ANKMY2: variants seen among roughly 807,000 people sequenced by gnomAD.
ANKMY2 encodes the protein ankyrin repeat and MYND domain containing 2, also known as ankyrin repeat and MYND domain-containing protein 2.
In ANKMY2, 36 loss-of-function variants were observed where a neutral mutation model predicts 50.4. The observed-to-expected ratio is 0.71, with a 90% CI of 0.55 to 0.94. The LOEUF is 0.94. ANKMY2 is among the 40% of genes least tolerant of loss of function. The pLI is 0.00. For synonymous variants in ANKMY2, 187 were observed against 178.8 expected, an observed-to-expected ratio of 1.05 and a Z score of -0.36; for missense variants, 565 against 524.0, an observed-to-expected ratio of 1.08 and a Z score of -0.76.
At chr7:16,624,924 T>A in intron 4 of ANKMY2, 59 bp downstream of exon 4, 1 of 1,492,480 alleles carries the variant, frequency 6.7e-7, no homozygotes, top group Non-Finnish European at 9.2e-7. Flanking sequence ...AAAGTGGGTT[T>A]TTTTTCCACA....
chr7:16,640,037 G>A (rs552541662), intron 1 of ANKMY2, among the ~76,000 whole-genome samples: 5 of 152,072 alleles, frequency 3.3e-5, no homozygotes, highest in East Asian at 1.9e-4. Context: ...GTAGTGGTGC[G>A]TGCTCGTAGT....
chr7:16,602,525 G>T lies in ANKMY2; in HGVS notation c.1012-16C>A. The T allele has an allele frequency of 6.2e-7, 1 of 1,602,876 alleles. No individual in the cohort carries two copies. Among genetic ancestry groups the T allele is most frequent in the Non-Finnish European group, 8.5e-7 (1 of 1,176,186 alleles). ...AATATATTACCTGAAAGCAATTGTT[G>T]GTTTATTTTCATTTCCAGAGCTTGG... is the stretch of plus-strand genomic sequence containing the variant. On this transcript the variant is annotated splice_polypyrimidine_tract_variant and intron_variant, in intron 8 of 9. Coordinates refer to ENST00000306999, the MANE Select transcript of ANKMY2 (RefSeq NM_020319.3).
rs1000163335 is a variant in ANKMY2 at position 16,645,614 on chromosome 7, T to A, written c.-41A>T. The A allele has an allele frequency of 1.9e-6, 3 of 1,590,776 alleles. No homozygotes were observed. In the African/African-American group the frequency reaches 4.1e-5, roughly 22 times the overall value. ...GAAGGTTATTCCCTTTCTTAGGGAG[T>A]ATTAAAAAAGAAACGATGCGTCTGT... On this transcript the variant is annotated 5_prime_UTR_variant, in exon 1 of 10. Transcript: ENST00000306999.
chr7:16,629,209 T>C (rs190224178), intron 2 of ANKMY2, among the ~76,000 whole-genome samples: 107 of 152,330 alleles, frequency 7.0e-4, no homozygotes, highest in African/African-American at 2.1e-3. Context: ...AATTGGTTTT[T>C]AGAGCAAACC....
At chr7:16,622,026 G>T (rs897201074) in intron 4 of ANKMY2, among the ~76,000 whole-genome samples, 2 of 150,246 alleles carry the variant, frequency 1.3e-5, no homozygotes, top group Admixed American at 1.3e-4. Context: ...TCTCCATAAA[G>T]TTAAAAAAGA....
intron 5 of ANKMY2, among the ~76,000 whole-genome samples, chr7:16,613,077 C>T (rs1250627885): frequency 6.6e-6 from 1 of 152,146 alleles, no homozygotes; most frequent in East Asian, 1.9e-4. Flanking sequence ...ACATCTGCCT[C>T]CTGTACACTT....
intron 1 of ANKMY2, among the ~76,000 whole-genome samples, chr7:16,642,450 C>A (rs1781758797): frequency 6.6e-6 from 1 of 152,100 alleles, no homozygotes; most frequent in Non-Finnish European, 1.5e-5. Flanking sequence ...AACTTCTTGG[C>A]ATTCTAATAA....
chr7:16,618,558 C>A (rs575440093), intron 4 of ANKMY2, among the ~76,000 whole-genome samples: 7 of 151,972 alleles, frequency 4.6e-5, no homozygotes, highest in Non-Finnish European at 1.0e-4. Flanking sequence ...ACCAGAACAC[C>A]CAATTTCTTT....
At chr7:16,606,456 C>T (rs1781163615) in intron 7 of ANKMY2, among the ~76,000 whole-genome samples, 1 of 151,852 alleles carries the variant, frequency 6.6e-6, no homozygotes, top group South Asian at 2.1e-4. Context: ...TAAGGGTAAG[C>T]ATTTATCTGT....
chr7:16,614,525 A>AT (rs1781309704), intron 5 of ANKMY2, among the ~76,000 whole-genome samples: 1 of 152,204 alleles, frequency 6.6e-6, no homozygotes, highest in South Asian at 2.1e-4. Context: ...CAATGAGTAA[A>AT]TTTGGTTTGT....
At chr7:16,608,753 G>A (rs2128342301) in intron 7 of ANKMY2, among the ~76,000 whole-genome samples, 1 of 152,314 alleles carries the variant, frequency 6.6e-6, no homozygotes, top group Non-Finnish European at 1.5e-5. Flanking sequence ...TGTAATCCCA[G>A]CACTTTGGGA....
At chr7:16,641,458 T>C (rs770761950) in intron 1 of ANKMY2, among the ~76,000 whole-genome samples, 2 of 152,210 alleles carry the variant, frequency 1.3e-5, no homozygotes, top group Non-Finnish European at 2.9e-5. Context: ...CCCATATAGG[T>C]TGCATAACCT....
rs777472208 is a variant in ANKMY2 at position 16,625,066 on chromosome 7, G to A, written c.287C>T (p.Thr96Ile). Residue 96 changes from threonine (T) to isoleucine (I), a missense_variant, in exon 4 of 10, where the codon ACA (threonine) becomes ATA (isoleucine). Thr to Ile is a moderately conservative substitution (Grantham distance 89, BLOSUM62 -1). Coordinates refer to ENST00000306999, the MANE Select transcript of ANKMY2 (RefSeq NM_020319.3). Reference protein sequence around the residue: ...FAALSGNKDITWVMLEAGAET... With the variant: ...FAALSGNKDIIWVMLEAGAET... ...AGCACCAGCTTCTAACATTACCCAT[G>A]TGATGTCTTTATTACCTAGAGTTTT... is the stretch of plus-strand genomic sequence containing the variant. 1.2e-6 allele frequency: 2 copies of A among 1,613,760 alleles called. No homozygotes were observed. Among genetic ancestry groups the A allele is most frequent in the African/African-American group, 1.3e-5 (1 of 75,016 alleles).
At chr7:16,616,184 G>C (rs971283282) in intron 4 of ANKMY2, among the ~76,000 whole-genome samples, 2 of 152,172 alleles carry the variant, frequency 1.3e-5, no homozygotes, top group African/African-American at 4.8e-5. Flanking sequence ...CAACTTGTAA[G>C]AGACCTTAAG....
Position 16,627,074 on chromosome 7 carries a change from A to G in ANKMY2, c.237T>C (p.His79=). ...GADVNCHQHE[H]GYTALMFAAL... is the part of the protein sequence containing the mutation. ...CAGCAAACATGAGGGCTGTGTATCC[A>G]TGTTCATGCTGATGACAATTTACAT... Residue 79 remains histidine (H), a synonymous_variant, in exon 3 of 10, where the codon CAT becomes CAC. Coordinates refer to ENST00000306999, the MANE Select transcript of ANKMY2 (RefSeq NM_020319.3). 3.7e-6 allele frequency: 6 copies of G among 1,611,360 alleles called. No homozygotes were observed. Among genetic ancestry groups the G allele is most frequent in the Non-Finnish European group, 5.1e-6 (6 of 1,178,718 alleles).
intron 4 of ANKMY2, among the ~76,000 whole-genome samples, chr7:16,617,920 T>TTG (rs1233950364): frequency 0.013 from 1,729 of 132,066 alleles, 35 homozygotes; most frequent in African/African-American, 0.063. Flanking sequence ...TGAGCGTGTT[T>TTG]TTTTTTTTTT....
chr7:16,623,341 T>A (rs958312330), intron 4 of ANKMY2, among the ~76,000 whole-genome samples: 4 of 152,166 alleles, frequency 2.6e-5, no homozygotes, highest in African/African-American at 9.7e-5. Context: ...TAGGATAGGA[T>A]TGCAAACAAT....
At chr7:16,615,407 C>T (rs1046574059) in intron 5 of ANKMY2, among the ~76,000 whole-genome samples, 1 of 152,096 alleles carries the variant, frequency 6.6e-6, no homozygotes, top group African/African-American at 2.4e-5. Flanking sequence ...CAGGCCCCAC[C>T]CAACAACAGA....
chr7:16,635,613 C>T (rs1288326292), intron 2 of ANKMY2, among the ~76,000 whole-genome samples: 1 of 152,158 alleles, frequency 6.6e-6, no homozygotes, highest in Non-Finnish European at 1.5e-5. Context: ...AATGGTCACA[C>T]ATGGCCAATG....
Sources: gnomAD v4.1 joint callset for allele counts (sites outside exome capture counted in the v4.1 genomes callset) on GRCh38, gnomAD v4.1.1 for gene constraint, MANE v1.5 for transcripts, NCBI Gene and HGNC (gene_info 2026-07-23, HGNC 2026-07-21) for gene names.